CSMD1: variants seen among roughly 807,000 people sequenced by gnomAD.
CSMD1 encodes CUB and Sushi multiple domains 1.
In CSMD1, 213 loss-of-function variants were observed where a neutral mutation model predicts 417.5. That is an observed-to-expected ratio of 0.51 (90% CI 0.46 to 0.57). The LOEUF is 0.57. Ranked by LOEUF, CSMD1 falls within the 20% of genes least tolerant of loss-of-function variation. CSMD1 has a pLI of 0.00. For synonymous variants in CSMD1, 2,862 were observed against 1,736.8 expected, an observed-to-expected ratio of 1.65 and a Z score of -16.11; for missense variants, 6,923 against 4,529.7, an observed-to-expected ratio of 1.53 and a Z score of -15.17.
chr8:4,818,369 T>C (rs1288500872), intron 1 of CSMD1, among the ~76,000 whole-genome samples: 1 of 152,216 alleles, frequency 6.6e-6, no homozygotes, highest in Non-Finnish European at 1.5e-5. Flanking sequence ...GTTCCTTCAA[T>C]AAGTGCCATG....
chr8:4,899,456 G>C (rs17071791), intron 1 of CSMD1, among the ~76,000 whole-genome samples: 22,750 of 152,096 alleles, frequency 0.15, 1,827 homozygotes, highest in South Asian at 0.22. Context: ...ATGTAGATAC[G>C]CATGTCCATA....
intron 3 of CSMD1, among the ~76,000 whole-genome samples, chr8:4,125,687 C>A (rs948980413): frequency 4.6e-5 from 7 of 152,158 alleles, no homozygotes; most frequent in Non-Finnish European, 1.5e-5. Context: ...CTTGTTCATT[C>A]CTGGGCATAG....
rs561573819 is a variant in CSMD1, at chr8:3,001,652, T to A, written c.8030-1521A>T. ...GAGGAATTTTGCAATAAAGTGAGAG[T>A]ACCCGTATTCTAAAAATAATAATCA... On this transcript the variant is annotated intron_variant, in intron 52 of 69. Transcript: ENST00000635120. Among the ~76,000 whole-genome samples the A allele has an allele frequency of 3.3e-5, 5 of 152,296 alleles. No homozygotes were observed. The South Asian group carries it at 1.0e-3, about 32-fold the overall frequency.
intron 4 of CSMD1, among the ~76,000 whole-genome samples, chr8:4,027,376 T>C (rs1797116610): frequency 6.6e-6 from 1 of 152,164 alleles, no homozygotes; most frequent in Admixed American, 6.5e-5. Flanking sequence ...ACCTAAATTC[T>C]AATCCCCTAA....
intron 1 of CSMD1, among the ~76,000 whole-genome samples, chr8:4,795,011 A>C (rs1797896069): frequency 1.4e-5 from 2 of 138,172 alleles, no homozygotes; most frequent in African/African-American, 5.4e-5. Flanking sequence ...TTGGGTAGAA[A>C]GGTCAAAGAA....
chr8:4,952,912 A>C (rs544968765), intron 1 of CSMD1, among the ~76,000 whole-genome samples: 1 of 152,136 alleles, frequency 6.6e-6, no homozygotes, highest in Non-Finnish European at 1.5e-5. Context: ...TCTATACTGA[A>C]CTGATTCACT....
intron 11 of CSMD1, among the ~76,000 whole-genome samples, chr8:3,486,515 G>C (rs1324388892): frequency 1.3e-5 from 2 of 152,156 alleles, no homozygotes; most frequent in African/African-American, 2.4e-5. Flanking sequence ...GTAAAAACAG[G>C]CATGCATTTT....
intron 66 of CSMD1, among the ~76,000 whole-genome samples, chr8:2,950,821 G>C (rs796260580): frequency 2.6e-5 from 4 of 152,236 alleles, no homozygotes; most frequent in African/African-American, 9.6e-5. Flanking sequence ...AAAGTATTAA[G>C]AAATAAAGTT....
At chr8:4,254,384 T>C (rs898028614) in intron 3 of CSMD1, among the ~76,000 whole-genome samples, 1 of 152,148 alleles carries the variant, frequency 6.6e-6, no homozygotes, top group Non-Finnish European at 1.5e-5. Flanking sequence ...CATGACGATG[T>C]CTCAGTCAAC....
At chr8:4,392,092 C>G (rs764020873) in intron 3 of CSMD1, among the ~76,000 whole-genome samples, 6 of 152,116 alleles carry the variant, frequency 3.9e-5, no homozygotes, top group Non-Finnish European at 8.8e-5. Flanking sequence ...GCATGAGTGT[C>G]CAAGGAAAGA....
intron 50 of CSMD1, 77 bp downstream of exon 50, chr8:3,052,385 G>A (rs1033891232): frequency 2.1e-5 from 25 of 1,172,068 alleles, no homozygotes; most frequent in Non-Finnish European, 3.0e-5. Flanking sequence ...TCTGAACGTG[G>A]GAACCCGGAC....
intron 4 of CSMD1, among the ~76,000 whole-genome samples, chr8:4,008,686 C>T (rs929436878): frequency 1.4e-5 from 2 of 139,246 alleles, no homozygotes; most frequent in African/African-American, 5.4e-5. Flanking sequence ...TCTCAGGTAA[C>T]TGCAAGCTCC....
chr8:3,263,757 T>C (rs919494808), intron 26 of CSMD1, among the ~76,000 whole-genome samples: 2 of 152,218 alleles, frequency 1.3e-5, no homozygotes, highest in Non-Finnish European at 2.9e-5. Context: ...TAAAGTCAAC[T>C]AACTTTCTTT....
chr8:4,888,235 C>T (rs1396583130), intron 1 of CSMD1, among the ~76,000 whole-genome samples: 2 of 151,754 alleles, frequency 1.3e-5, no homozygotes, highest in Non-Finnish European at 2.9e-5. Flanking sequence ...GAAAATAAAG[C>T]TATATTTAGG....
At chr8:4,542,566 G>A (rs1337379690) in intron 2 of CSMD1, among the ~76,000 whole-genome samples, 1 of 152,082 alleles carries the variant, frequency 6.6e-6, no homozygotes, top group Non-Finnish European at 1.5e-5. Flanking sequence ...TGTCATTTTT[G>A]CCCAGTATTT....
chr8:4,528,333 A>T (rs2130439087), intron 2 of CSMD1, among the ~76,000 whole-genome samples: 1 of 152,334 alleles, frequency 6.6e-6, no homozygotes, highest in South Asian at 2.1e-4. Flanking sequence ...TATAGGAATA[A>T]AGAAGGTGGG....
chr8:4,937,213 A>AAAAT (rs138662428), intron 1 of CSMD1, among the ~76,000 whole-genome samples: 33,496 of 151,008 alleles, frequency 0.22, 3,832 homozygotes, highest in East Asian at 0.37. Context: ...GCCCTGTCTC[A>AAAAT]AAATAAATAA....
In CSMD1 at chr8:4,894,032, ATTTAT is replaced by A. The variant is rs1490329449; in HGVS notation, c.85+100295_85+100299del. ...TAGATACCTTTGGATTTTCTCTTTGATTTATTTTGTTTAAGTTGTATTTTCCTAGA... is the reference window on the plus strand; with the variant it reads ...TAGATACCTTTGGATTTTCTCTTTGATTTGTTTAAGTTGTATTTTCCTAGA... On this transcript the variant is annotated intron_variant, in intron 1 of 69. Transcript: ENST00000635120. 1.5e-4 allele frequency among the ~76,000 whole-genome samples: 20 copies of A among 137,902 alleles called. No homozygotes were observed. In the East Asian group the frequency reaches 3.7e-3, roughly 25 times the overall value. The allele number at this position is 137,902 out of a possible 152,430, so 90.5% of individuals were successfully genotyped here.
chr8:4,710,614 G>T (rs996012336), intron 1 of CSMD1, among the ~76,000 whole-genome samples: 1 of 151,158 alleles, frequency 6.6e-6, no homozygotes, highest in African/African-American at 2.4e-5. Flanking sequence ...GGGAGACTCA[G>T]ATGGGTGGAT....
Sources: allele counts gnomAD v4.1 joint callset (sites outside exome capture counted in the v4.1 genomes callset), GRCh38; gene constraint gnomAD v4.1.1; transcripts MANE v1.5; gene names NCBI Gene and HGNC (gene_info 2026-07-23, HGNC 2026-07-21).